LYG2: variants seen among roughly 807,000 people sequenced by gnomAD.
LYG2 encodes lysozyme g-like protein 2.
LYG2 carries 25 observed loss-of-function variants against 22.4 expected under a neutral mutation model. The observed-to-expected ratio is 1.12, with a 90% CI of 0.81 to 1.56. The LOEUF is 1.56. Ranked by LOEUF, LYG2 falls within the 40% of genes most tolerant of loss-of-function variation. The probability of loss-of-function intolerance (pLI) is 0.00; values close to 1 mark genes in which losing one functional copy is unlikely to be tolerated. For synonymous variants in LYG2, 88 were observed against 97.0 expected (o/e 0.91, Z 0.55); for missense variants, 266 against 269.5 (o/e 0.99, Z 0.09).
chr2:99,244,576 A>G (rs947907438), intron 5 of LYG2, among the ~76,000 whole-genome samples: 10 of 152,176 alleles, frequency 6.6e-5, no homozygotes, highest in African/African-American at 1.9e-4. Flanking sequence ...AAGTTGTTTC[A>G]AGTAGGGCAC....
chr2:99,250,567 G>A (rs149027093), intron 3 of LYG2, among the ~76,000 whole-genome samples: 3,309 of 152,104 alleles, frequency 0.022, 142 homozygotes, highest in African/African-American at 0.076. Context: ...GTAGAGGCGG[G>A]GTTTCAGCAT....
intron 3 of LYG2, 83 bp from the exon 4 acceptor site, chr2:99,246,903 G>T (rs2094017025): frequency 7.3e-7 from 1 of 1,371,944 alleles, no homozygotes; most frequent in African/African-American, 1.4e-5. Context: ...TAAACCAAAG[G>T]CAGAAGGCCA....
At chr2:99,253,372 TTAAAAC>T (rs1354689097) in intron 3 of LYG2, among the ~76,000 whole-genome samples, 2 of 152,196 alleles carry the variant, frequency 1.3e-5, no homozygotes, top group Non-Finnish European at 2.9e-5. Context: ...GAGTAAAAAT[TTAAAAC>T]TATGTTGCCC....
intron 5 of LYG2, 118 bp downstream of exon 5, chr2:99,245,143 TG>T: frequency 2.6e-6 from 3 of 1,136,276 alleles, no homozygotes; most frequent in Non-Finnish European, 3.6e-6. Context: ...CTGGAGTACC[TG>T]TAGCCAGATG....
intron 3 of LYG2, among the ~76,000 whole-genome samples, chr2:99,248,882 C>G (rs1306454391): frequency 1.3e-5 from 2 of 151,812 alleles, no homozygotes; most frequent in Admixed American, 6.6e-5. Flanking sequence ...AAGTTGAGTT[C>G]CTATGTATAT....
At position 99,246,785 on chromosome 2, in the gene LYG2, T is replaced by C. The variant is rs768877746; in HGVS notation, c.79A>G (p.Met27Val). 1.2e-5 allele frequency: 19 copies of C among 1,614,064 alleles called. No homozygotes were observed. The highest frequency in any genetic ancestry group is 1.4e-5 in the Non-Finnish European group (17 of 1,179,994). Residue 27 changes from methionine to valine, a missense_variant, in exon 4 of 7, where the codon ATG becomes GTG. Coordinates refer to ENST00000333017, the MANE Select transcript of LYG2 (RefSeq NM_175735.4). ...AGGCGTGGATGTAGGTGAGGCTTCA[T>C]TGAGTGACTGAAGGGGTATGAGCCC... is the stretch of plus-strand genomic sequence containing the variant. Reference protein sequence around the residue: ...SRGSYPFSHSMKPHLHPRLYH... With the variant: ...SRGSYPFSHSVKPHLHPRLYH...
At chr2:99,250,371 C>G (rs1243396988) in intron 3 of LYG2, among the ~76,000 whole-genome samples, 1 of 147,092 alleles carries the variant, frequency 6.8e-6, no homozygotes, top group Admixed American at 7.0e-5. Context: ...CATTTTCCAA[C>G]TCTTTTTTTT....
Position 99,246,733 on chromosome 2 carries a change from A to G in LYG2, c.131T>C (p.Met44Thr). The change falls in exon 4 of 7, where the codon ATG (methionine) becomes ACG (threonine). Residue 44 changes from methionine to threonine, a missense_variant. Physicochemically the swap from Met to Thr is moderately conservative, Grantham distance 81. Transcript: ENST00000333017. ...RLYHGCYGDI[M>T]TMKTSGATCD... ...AGTGGCCCCAGAGGTCTTCATGGTC[A>G]TGATGTCCCCATAGCAGCCGTGGTA... The G allele has an allele frequency of 6.2e-7, 1 of 1,614,166 alleles. No homozygotes were observed. The highest frequency in any genetic ancestry group is 8.5e-7 in the Non-Finnish European group (1 of 1,179,994).
At chr2:99,250,653 C>T (rs527806767) in intron 3 of LYG2, among the ~76,000 whole-genome samples, 9 of 152,144 alleles carry the variant, frequency 5.9e-5, no homozygotes, top group Non-Finnish European at 1.2e-4. Flanking sequence ...GGATTACAGG[C>T]GTGAGCCACC....
chr2:99,247,737 T>C (rs2094018748), intron 3 of LYG2, among the ~76,000 whole-genome samples: 1 of 152,160 alleles, frequency 6.6e-6, no homozygotes, highest in Non-Finnish European at 1.5e-5. Flanking sequence ...AAATGGGGTC[T>C]AATTAAACTA....
At chr2:99,253,489 T>C (rs904344884) in intron 3 of LYG2, among the ~76,000 whole-genome samples, 1 of 152,220 alleles carries the variant, frequency 6.6e-6, no homozygotes, top group African/African-American at 2.4e-5. Flanking sequence ...GTCACCATTC[T>C]ATAATTAAAG....
intron 3 of LYG2, among the ~76,000 whole-genome samples, chr2:99,248,639 C>T (rs1001036321): frequency 2.0e-5 from 3 of 149,160 alleles, no homozygotes; most frequent in Admixed American, 6.7e-5. Context: ...TGCTAAATGA[C>T]GAGTTAATGG....
At chr2:99,250,475 T>A (rs374223969) in intron 3 of LYG2, among the ~76,000 whole-genome samples, 13 of 151,022 alleles carry the variant, frequency 8.6e-5, no homozygotes, top group African/African-American at 3.2e-4. Context: ...CCTGGGTTCA[T>A]GCCATTCTCC....
chr2:99,255,168 G>A (rs1366842771), intron 1 of LYG2, 31 bp from the exon 2 acceptor site: 4 of 152,212 alleles, frequency 2.6e-5, no homozygotes, highest in Non-Finnish European at 4.4e-5. Context: ...TTAGTCAGTA[G>A]ATCACTGCGC....
At chr2:99,245,934 C>G (rs559681353) in intron 4 of LYG2, among the ~76,000 whole-genome samples, 1 of 152,158 alleles carries the variant, frequency 6.6e-6, no homozygotes, top group South Asian at 2.1e-4. Flanking sequence ...ATGGTGAAAC[C>G]CCATCTCTAC....
At chr2:99,258,681 G>A (rs932240539), upstream of LYG2, among the ~76,000 whole-genome samples, 3 of 152,176 alleles carry the variant, frequency 2.0e-5, no homozygotes, top group African/African-American at 4.8e-5. Context: ...GTACTTTGGC[G>A]CCAATGGCTG....
chr2:99,245,134 TG>T, intron 5 of LYG2, 127 bp downstream of exon 5: 1 of 996,174 alleles, frequency 1.0e-6, no homozygotes, highest in Non-Finnish European at 1.4e-6. Flanking sequence ...AAAATTATGC[TG>T]GAGTACCTGT....
At chr2:99,257,694 A>G (rs1022247637), upstream of LYG2, among the ~76,000 whole-genome samples, 3 of 152,162 alleles carry the variant, frequency 2.0e-5, no homozygotes, top group Admixed American at 2.0e-4. Flanking sequence ...CCCTCAAATC[A>G]GTTGCCTGCT....
intron 4 of LYG2, among the ~76,000 whole-genome samples, chr2:99,245,671 T>C (rs1032167379): frequency 5.9e-5 from 9 of 151,678 alleles, no homozygotes; most frequent in Non-Finnish European, 1.3e-4. Flanking sequence ...TTTCTTCTAC[T>C]TCAGAAGAAA....
Sources: gnomAD v4.1 joint callset for allele counts (sites outside exome capture counted in the v4.1 genomes callset) on GRCh38, gnomAD v4.1.1 for gene constraint, MANE v1.5 for transcripts, NCBI Gene and HGNC (gene_info 2026-07-23, HGNC 2026-07-21) for gene names.